Variants in ARK2N observed in about 807,000 individuals in gnomAD.
ARK2N encodes protein ARK2N.
chr18:46,221,483 C>T, the ARK2N span, among the ~76,000 whole-genome samples: 1 of 149,920 alleles, frequency 6.7e-6, no homozygotes, highest in Non-Finnish European at 1.5e-5. Context: ...TCACTTGAAC[C>T]TGGGAGGTGG....
the ARK2N span, chr18:46,232,965 G>T: frequency 6.6e-6 from 1 of 152,108 alleles, no homozygotes; most frequent in Admixed American, 6.5e-5. Flanking sequence ...TGAGGATGGG[G>T]TTATGTGGTT....
At chr18:46,217,942 T>C in the ARK2N span, 1 of 152,144 alleles carries the variant, frequency 6.6e-6, no homozygotes, top group Non-Finnish European at 1.5e-5. Flanking sequence ...TGTATTAATA[T>C]TTTTAAAAAA....
At chr18:46,179,774 T>C in the ARK2N span, among the ~76,000 whole-genome samples, 1 of 151,890 alleles carries the variant, frequency 6.6e-6, no homozygotes, top group Non-Finnish European at 1.5e-5. Flanking sequence ...TACAGTCATG[T>C]GCTGCCACGC....
At chr18:46,198,310 C>CAAAAA in the ARK2N span, among the ~76,000 whole-genome samples, 33 of 69,128 alleles carry the variant, frequency 4.8e-4, no homozygotes, top group African/African-American at 1.5e-3. Flanking sequence ...ACTCCATCTC[C>CAAAAA]AAAAAAAAAA....
chr18:46,246,602 C>G, the ARK2N span, among the ~76,000 whole-genome samples: 1 of 91,766 alleles, frequency 1.1e-5, no homozygotes, highest in Non-Finnish European at 2.5e-5. Flanking sequence ...ATCACTTTCT[C>G]ATGCCTCTTA....
At chr18:46,176,458 T>C in the ARK2N span, among the ~76,000 whole-genome samples, 3 of 132,582 alleles carry the variant, frequency 2.3e-5, no homozygotes, top group African/African-American at 6.1e-5. Context: ...GTGTGTGTGC[T>C]TTTTTTTTTT....
At chr18:46,195,633 GTGGCACGATC>G in the ARK2N span, among the ~76,000 whole-genome samples, 2 of 142,176 alleles carry the variant, frequency 1.4e-5, no homozygotes, top group Non-Finnish European at 3.0e-5. Flanking sequence ...CTGGAGTGCA[GTGGCACGATC>G]TGGACTCACT....
chr18:46,249,628 A>G, the ARK2N span, among the ~76,000 whole-genome samples: 2 of 152,138 alleles, frequency 1.3e-5, no homozygotes, highest in Non-Finnish European at 1.5e-5. Flanking sequence ...AATCCAGATT[A>G]CCTCAGCTTT....
the ARK2N span, among the ~76,000 whole-genome samples, chr18:46,177,408 T>G: frequency 6.7e-6 from 1 of 149,224 alleles, no homozygotes; most frequent in Admixed American, 6.8e-5. Context: ...CTTTTGTTCG[T>G]TTGTTCTTTC....
chr18:46,224,767 T>A, the ARK2N span, among the ~76,000 whole-genome samples: 1 of 152,234 alleles, frequency 6.6e-6, no homozygotes, highest in African/African-American at 2.4e-5. Flanking sequence ...TTTTTTGGAA[T>A]TAGTGACTTT....
chr18:46,214,037 A>G, the ARK2N span, among the ~76,000 whole-genome samples: 1 of 152,120 alleles, frequency 6.6e-6, no homozygotes, highest in African/African-American at 2.4e-5. Context: ...GTGGCCATGA[A>G]TGTTCTGGTT....
the ARK2N span, among the ~76,000 whole-genome samples, chr18:46,238,319 G>A: frequency 6.6e-6 from 1 of 152,106 alleles, no homozygotes; most frequent in Non-Finnish European, 1.5e-5. Context: ...TGGTCAAATA[G>A]TCAATATTGT....
chr18:46,190,191 G>A, the ARK2N span, among the ~76,000 whole-genome samples: 2 of 152,038 alleles, frequency 1.3e-5, no homozygotes, highest in Non-Finnish European at 2.9e-5. Context: ...GTCAACATGG[G>A]AAGGCCATTT....
the ARK2N span, among the ~76,000 whole-genome samples, chr18:46,193,591 GTTT>G: frequency 4.2e-4 from 39 of 92,394 alleles, no homozygotes; most frequent in Admixed American, 1.3e-3. Context: ...GCCCAGCCGG[GTTT>G]TTTTTTTTTT....
At chr18:46,178,386 C>T in the ARK2N span, among the ~76,000 whole-genome samples, 1 of 152,210 alleles carries the variant, frequency 6.6e-6, no homozygotes, top group Non-Finnish European at 1.5e-5. Context: ...AATCTCCGCT[C>T]ACTGCAATCT....
the ARK2N span, among the ~76,000 whole-genome samples, chr18:46,190,805 T>C: frequency 1.6e-3 from 239 of 152,348 alleles, 1 homozygote; most frequent in African/African-American, 5.6e-3. Context: ...TGCTCCCATA[T>C]TGCCTTATCC....
At chr18:46,202,743 G>A in the ARK2N span, among the ~76,000 whole-genome samples, 1 of 150,458 alleles carries the variant, frequency 6.6e-6, no homozygotes, top group East Asian at 2.0e-4. Flanking sequence ...AGCAGAGATC[G>A]CTCCACTGCA....
the ARK2N span, among the ~76,000 whole-genome samples, chr18:46,226,165 T>C: frequency 3.9e-5 from 6 of 152,244 alleles, no homozygotes. Context: ...TCATGAATTA[T>C]ATTCCGTATT....
chr18:46,218,043 C>T, the ARK2N span: 2 of 152,184 alleles, frequency 1.3e-5, no homozygotes, highest in African/African-American at 2.4e-5. Flanking sequence ...ACAATACTTA[C>T]TTCCACTTAC....
Sources: gnomAD v4.1 joint callset for allele counts (sites outside exome capture counted in the v4.1 genomes callset) on GRCh38, gnomAD v4.1.1 for gene constraint, MANE v1.5 for transcripts, NCBI Gene and HGNC (gene_info 2026-07-23, HGNC 2026-07-21) for gene names.